The following GABRG3 variants were observed in gnomAD, a reference collection of about 807,000 sequenced individuals.
The protein encoded by GABRG3 is gamma-aminobutyric acid receptor subunit gamma-3.
Under a neutral mutation model 48.8 loss-of-function variants are expected in GABRG3, and 25 were observed. The observed-to-expected ratio is 0.51, with a 90% CI of 0.37 to 0.72. The LOEUF is 0.72. Ranked by LOEUF, GABRG3 falls within the 30% of genes least tolerant of loss-of-function variation. The probability of loss-of-function intolerance (pLI) is 0.00; values close to 1 mark genes in which losing one functional copy is unlikely to be tolerated. For missense variants in GABRG3, 394 were observed against 577.9 expected, an observed-to-expected ratio of 0.68 and a Z score of 3.26; for synonymous variants, 227 against 217.6, an observed-to-expected ratio of 1.04 and a Z score of -0.38.
intron 3 of GABRG3, among the ~76,000 whole-genome samples, chr15:27,229,521 G>T (rs2376835): frequency 0.18 from 27,610 of 151,650 alleles, 3,499 homozygotes; most frequent in East Asian, 0.41. Context: ...CTGTCACTCA[G>T]GCTGGAGTGC....
At chr15:27,010,771 G>A (rs1895670272) in intron 2 of GABRG3, among the ~76,000 whole-genome samples, 2 of 152,160 alleles carry the variant, frequency 1.3e-5, no homozygotes, top group South Asian at 2.1e-4. Context: ...TGCCTTTGCC[G>A]TTCCACTATC....
At position 27,151,646 on chromosome 15, in the gene GABRG3, G is replaced by GT. The variant is rs112238804; in HGVS notation, c.270+124826dup. 7.2e-4 allele frequency among the ~76,000 whole-genome samples: 110 copies of GT among 152,284 alleles called. 1 individual carries two copies. Among genetic ancestry groups the GT allele is most frequent in the African/African-American group, 2.5e-3 (102 of 41,570 alleles). On this transcript the variant is annotated intron_variant, in intron 3 of 9. Coordinates refer to ENST00000615808, the MANE Select transcript of GABRG3 (RefSeq NM_033223.5). ...CAAGGATCTTTATCAGGGAAAGAGA[G>GT]TAAAGGGAGAGTCAGAAAAATAAAT...
intron 3 of GABRG3, among the ~76,000 whole-genome samples, chr15:27,085,337 T>C (rs1377734287): frequency 6.6e-6 from 1 of 152,220 alleles, no homozygotes; most frequent in Non-Finnish European, 1.5e-5. Context: ...ATAGCACTGG[T>C]ACACCAGCTA....
intron 3 of GABRG3, among the ~76,000 whole-genome samples, chr15:27,055,039 C>G (rs1348473337): frequency 6.9e-6 from 1 of 143,928 alleles, no homozygotes; most frequent in Admixed American, 7.1e-5. Context: ...AATGACTTGT[C>G]AGCTAATAAT....
chr15:27,519,913 T>C, intron 6 of GABRG3, 59 bp from the exon 7 acceptor site: 1 of 1,178,828 alleles, frequency 8.5e-7, no homozygotes, highest in Non-Finnish European at 1.2e-6. Flanking sequence ...GTAAATTATT[T>C]TCCTGAATTA....
intron 3 of GABRG3, among the ~76,000 whole-genome samples, chr15:27,206,135 G>T (rs922471188): frequency 3.3e-5 from 5 of 152,116 alleles, no homozygotes; most frequent in East Asian, 3.9e-4. Context: ...GTTCCTCTAG[G>T]TGTGATGTTA....
intron 3 of GABRG3, among the ~76,000 whole-genome samples, chr15:27,230,322 T>G (rs963799771): frequency 6.6e-6 from 1 of 152,180 alleles, no homozygotes; most frequent in Non-Finnish European, 1.5e-5. Flanking sequence ...ACCTGGTTTT[T>G]AAAAAAATAG....
chr15:27,478,057 A>T (rs943755448), intron 5 of GABRG3, among the ~76,000 whole-genome samples: 4 of 150,770 alleles, frequency 2.7e-5, no homozygotes, highest in Non-Finnish European at 4.4e-5. Flanking sequence ...ACAAAAAAAA[A>T]AAAAAGAAAG....
intron 3 of GABRG3, among the ~76,000 whole-genome samples, chr15:27,088,455 T>G (rs1044170704): frequency 2.6e-5 from 4 of 152,124 alleles, no homozygotes; most frequent in Admixed American, 6.5e-5. Context: ...CTGGGGAGGC[T>G]GTGTGCCGGG....
Position 27,262,575 on chromosome 15 carries a change from C to G in GABRG3, c.271-64234C>G, listed in dbSNP as rs544117208. Among the ~76,000 whole-genome samples, 201 of 152,312 alleles carry G rather than the reference C, an allele frequency of 1.3e-3. 2 individuals are homozygous for G. Among genetic ancestry groups the G allele is most frequent in the African/African-American group, 4.7e-3 (194 of 41,578 alleles). On this transcript the variant is annotated intron_variant, in intron 3 of 9. Transcript: ENST00000615808. ...ACATTTCCGTCACATGTTTGTCATT[C>G]TTACTCATTTGAAGTGGGACGATGT...
intron 5 of GABRG3, among the ~76,000 whole-genome samples, chr15:27,437,109 T>C (rs1888641814): frequency 6.6e-6 from 1 of 152,068 alleles, no homozygotes; most frequent in South Asian, 2.1e-4. Flanking sequence ...TTGGATAATG[T>C]TGGTTATCAC....
chr15:27,527,802 A>G, intron 8 of GABRG3, 131 bp from the exon 9 acceptor site: 1 of 966,946 alleles, frequency 1.0e-6, no homozygotes, highest in Non-Finnish European at 1.6e-6. Flanking sequence ...ATGTGACTCT[A>G]AGACATCTCT....
At chr15:27,001,213 T>G (rs1895440910) in intron 2 of GABRG3, among the ~76,000 whole-genome samples, 1 of 152,242 alleles carries the variant, frequency 6.6e-6, no homozygotes. Flanking sequence ...TTTGTCTGAT[T>G]TTTGATTGTT....
chr15:27,218,180 A>AT (rs931460534), intron 3 of GABRG3, among the ~76,000 whole-genome samples: 3 of 151,152 alleles, frequency 2.0e-5, no homozygotes, highest in South Asian at 2.1e-4. Flanking sequence ...TGCCTGCCTA[A>AT]TTTTTTTTTA....
At chr15:27,129,221 C>A (rs1897873661) in intron 3 of GABRG3, among the ~76,000 whole-genome samples, 1 of 152,152 alleles carries the variant, frequency 6.6e-6, no homozygotes, top group Non-Finnish European at 1.5e-5. Context: ...CCAGTCCTTG[C>A]ATTCCCTGGT....
At chr15:27,299,183 C>T (rs559408444) in intron 3 of GABRG3, among the ~76,000 whole-genome samples, 3 of 152,114 alleles carry the variant, frequency 2.0e-5, no homozygotes, top group African/African-American at 4.8e-5. Flanking sequence ...ACTCAGGAGG[C>T]TGAGGTAGGA....
Position 26,971,185 on chromosome 15 carries a change from A to G in GABRG3, c.-351A>G, listed in dbSNP as rs1399886339. On this transcript the variant is annotated 5_prime_UTR_variant, in exon 1 of 10. Transcript: ENST00000615808. ...CCCAGCTGCCCCCACCTCCCAGCAC[A>G]GCGCACACAGCCCCGGCCTGGGCAC... 6.6e-6 allele frequency: 1 copy of G among 151,752 alleles called. No homozygotes were observed. Among genetic ancestry groups the G allele is most frequent in the Non-Finnish European group, 1.5e-5 (1 of 67,926 alleles). 9.4% of individuals were successfully genotyped at this position (151,752 alleles called of 1,614,324 possible).
At chr15:27,065,294 T>C (rs918187881) in intron 3 of GABRG3, among the ~76,000 whole-genome samples, 2 of 152,246 alleles carry the variant, frequency 1.3e-5, no homozygotes, top group Non-Finnish European at 2.9e-5. Flanking sequence ...GACTTGGCTG[T>C]TGCTTCTGTG....
rs575731331 is a variant in GABRG3 at position 27,126,280 on chromosome 15, T to TG, written c.270+99463dup. ...TCACCTTAATTTACAGATAAGAAAC[T>TG]GGGGCACGGAGAGGCTCAGTAACTT... On this transcript the variant is annotated intron_variant, in intron 3 of 9. Transcript: ENST00000615808. Among the ~76,000 whole-genome samples, 46 of 152,278 alleles carry TG rather than the reference T, an allele frequency of 3.0e-4. No homozygotes were observed. The East Asian group carries it at 6.8e-3, about 22-fold the overall frequency.
Sources: allele counts gnomAD v4.1 joint callset (sites outside exome capture counted in the v4.1 genomes callset), GRCh38; gene constraint gnomAD v4.1.1; transcripts MANE v1.5; gene names NCBI Gene and HGNC (gene_info 2026-07-23, HGNC 2026-07-21).